The following HABP4 variants were observed in gnomAD, a reference collection of about 807,000 sequenced individuals.
The protein encoded by HABP4 is hyaluronan binding protein 4.
HABP4 carries 32 observed loss-of-function variants against 44.1 expected under a neutral mutation model. The ratio of observed to expected loss-of-function variants is 0.73; its 90% confidence interval spans 0.55 to 0.97. The LOEUF (loss-of-function observed/expected upper bound fraction) is 0.97. Among genes scored for constraint, HABP4 ranks in the 50% least tolerant of loss-of-function variants. The pLI is 0.00. For synonymous variants in HABP4, 216 were observed against 218.0 expected (o/e 0.99, Z 0.08); for missense variants, 503 against 561.9 (o/e 0.90, Z 1.06).
intron 5 of HABP4, among the ~76,000 whole-genome samples, chr9:96,473,762 C>A (rs546377810): frequency 1.3e-5 from 2 of 152,278 alleles, no homozygotes; most frequent in African/African-American, 4.8e-5. Context: ...TGCCATACAG[C>A]TTTCACAAGT....
At chr9:96,471,246 G>A in intron 5 of HABP4, 152 bp downstream of exon 5, 1 of 599,754 alleles carries the variant, frequency 1.7e-6, no homozygotes, top group Non-Finnish European at 3.1e-6. Context: ...GGGTTCAAGC[G>A]ATTCTCCTGT....
chr9:96,451,452 T>A, intron 1 of HABP4: 1 of 984,746 alleles, frequency 1.0e-6, no homozygotes, highest in Non-Finnish European at 1.2e-6. Context: ...CACCTGTGTT[T>A]CCTGTTTTCT....
chr9:96,455,127 G>A (rs1179807675), intron 1 of HABP4, among the ~76,000 whole-genome samples: 1 of 151,794 alleles, frequency 6.6e-6, no homozygotes, highest in Non-Finnish European at 1.5e-5. Context: ...AAAAAGAAAA[G>A]TGTCATTATC....
intron 4 of HABP4, 43 bp downstream of exon 4, chr9:96,465,821 G>A (rs371150266): frequency 6.1e-6 from 6 of 987,556 alleles, no homozygotes; most frequent in South Asian, 1.3e-5. Context: ...GCAATTAAGT[G>A]GAAATCTCTG....
At chr9:96,489,762 A>G (rs1833052895) in intron 7 of HABP4, among the ~76,000 whole-genome samples, 1 of 152,136 alleles carries the variant, frequency 6.6e-6, no homozygotes, top group Non-Finnish European at 1.5e-5. Context: ...AGGACGTAGG[A>G]AGGGAGGCAG....
chr9:96,479,412 AT>A (rs199867485), intron 5 of HABP4, among the ~76,000 whole-genome samples: 4,896 of 152,222 alleles, frequency 0.032, 267 homozygotes, highest in African/African-American at 0.11. Flanking sequence ...ACTTTGATTC[AT>A]TTTACTTTCA....
intron 5 of HABP4, among the ~76,000 whole-genome samples, chr9:96,474,210 TTAAA>T (rs1426137536): frequency 9.2e-5 from 14 of 152,342 alleles, no homozygotes; most frequent in Admixed American, 8.5e-4. Flanking sequence ...ATGTGTTTCA[TTAAA>T]TAAATAGGAG....
intron 4 of HABP4, among the ~76,000 whole-genome samples, chr9:96,465,996 G>GC (rs1255487047): frequency 6.6e-6 from 1 of 152,110 alleles, no homozygotes; most frequent in African/African-American, 2.4e-5. Context: ...TATTACTTTA[G>GC]CCAAACAAAT....
At chr9:96,468,276 G>C (rs1261495464) in intron 4 of HABP4, among the ~76,000 whole-genome samples, 1 of 139,716 alleles carries the variant, frequency 7.2e-6, no homozygotes, top group Non-Finnish European at 1.5e-5. Flanking sequence ...TTTTTTTTCT[G>C]AGACAGAGTC....
chr9:96,462,623 AAAGAG>A (rs891913348), intron 2 of HABP4, among the ~76,000 whole-genome samples: 6 of 151,330 alleles, frequency 4.0e-5, no homozygotes, highest in Admixed American at 6.6e-5. Flanking sequence ...AAAAAAAAAA[AAAGAG>A]AGAGAGTTTA....
At chr9:96,489,411 G>C (rs1833038555) in intron 7 of HABP4, among the ~76,000 whole-genome samples, 1 of 151,486 alleles carries the variant, frequency 6.6e-6, no homozygotes, top group Non-Finnish European at 1.5e-5. Context: ...CGCCCTTAGG[G>C]CCCGCCCCCG....
chr9:96,465,675 CT>C, intron 3 of HABP4, 34 bp from the exon 4 acceptor site: 1 of 1,431,674 alleles, frequency 7.0e-7, no homozygotes, highest in Non-Finnish European at 9.9e-7. Flanking sequence ...TGGAGACTAG[CT>C]TCTGGTTTAA....
chr9:96,455,719 T>C (rs1052281611), intron 1 of HABP4, among the ~76,000 whole-genome samples: 1 of 151,572 alleles, frequency 6.6e-6, no homozygotes, highest in African/African-American at 2.4e-5. Context: ...TGAGCCGAGA[T>C]GGTGCCATGG....
intron 6 of HABP4, among the ~76,000 whole-genome samples, chr9:96,485,030 G>A (rs551567956): frequency 9.0e-4 from 137 of 152,142 alleles, no homozygotes; most frequent in African/African-American, 3.2e-3. Flanking sequence ...TTCTTGATAA[G>A]AGCATTTCAC....
At position 96,488,075 on chromosome 9, in the gene HABP4, T is replaced by C. The variant is rs775903018; in HGVS notation, c.1000-14T>C. On this transcript the variant is annotated splice_polypyrimidine_tract_variant and intron_variant, in intron 6 of 7. Transcript: ENST00000375249. The surrounding 1 kb of genome is among the most constrained non-coding windows in gnomAD (Gnocchi z 4.6). The stretch of plus-strand genomic sequence containing the variant: ...GTGGACTTGTGCGTGTTTGATGCTG[T>C]AATTGTGTTTCAGATGGTAAAAGAT... 3 of 1,597,436 alleles carry C rather than the reference T, an allele frequency of 1.9e-6. No individual in the cohort carries two copies. The highest frequency in any genetic ancestry group is 4.5e-5 in the East Asian group (2 of 44,786).
chr9:96,487,336 A>G (rs113491753), intron 6 of HABP4, among the ~76,000 whole-genome samples: 2,493 of 152,100 alleles, frequency 0.016, 68 homozygotes, highest in African/African-American at 0.057. Flanking sequence ...TGTGTGTGTG[A>G]TACCCATTAT....
At position 96,470,993 on chromosome 9, in the gene HABP4, G is replaced by A; in HGVS notation, c.744-18G>A. On this transcript the variant is annotated intron_variant, in intron 4 of 7. Transcript: ENST00000375249. Reference sequence around the variant, plus strand: ...TGAATGTATTTGTGTGACTAGAGAGGGTCTTGCTGTTTTTCAGTGATGTGG... The same window carrying A: ...TGAATGTATTTGTGTGACTAGAGAGAGTCTTGCTGTTTTTCAGTGATGTGG... 3 of 1,430,470 alleles carry A rather than the reference G, an allele frequency of 2.1e-6. No individual in the cohort carries two copies. The highest frequency in any genetic ancestry group is 3.0e-6 in the Non-Finnish European group (3 of 1,012,270). The allele number at this position is 1,430,470 out of a possible 1,614,324, so 88.6% of individuals were successfully genotyped here.
chr9:96,459,364 G>A (rs963792818), intron 2 of HABP4, among the ~76,000 whole-genome samples: 5 of 152,098 alleles, frequency 3.3e-5, no homozygotes, highest in African/African-American at 9.7e-5. Context: ...GCTGCTCTCC[G>A]AAGTACTCTA....
chr9:96,474,723 G>A (rs1000770989), intron 5 of HABP4, among the ~76,000 whole-genome samples: 2 of 152,050 alleles, frequency 1.3e-5, no homozygotes, highest in African/African-American at 4.8e-5. Flanking sequence ...TAAAAGTTGG[G>A]CTGGTATCCG....
Sources: allele counts gnomAD v4.1 joint callset (sites outside exome capture counted in the v4.1 genomes callset), GRCh38; gene constraint gnomAD v4.1.1; non-coding constraint Gnocchi (gnomAD v3.1); transcripts MANE v1.5; gene names NCBI Gene and HGNC (gene_info 2026-07-23, HGNC 2026-07-21).